Variants in CUL4A observed in about 807,000 individuals in gnomAD.
CUL4A encodes cullin-4A.
A neutral mutation model predicts 95.5 loss-of-function variants in CUL4A; 16 were observed. That is an observed-to-expected ratio of 0.17 (90% CI 0.11 to 0.25). The LOEUF is 0.25. Ranked by LOEUF, CUL4A falls within the 10% of genes least tolerant of loss-of-function variation. The pLI is 1.00. For synonymous variants in CUL4A, 380 were observed against 353.1 expected, an observed-to-expected ratio of 1.08 and a Z score of -0.85; for missense variants, 610 against 937.0, an observed-to-expected ratio of 0.65 and a Z score of 4.56.
At chr13:113,241,804 C>T (rs1184454429) in intron 10 of CUL4A, among the ~76,000 whole-genome samples, 2 of 151,906 alleles carry the variant, frequency 1.3e-5, no homozygotes, top group Admixed American at 1.3e-4. Flanking sequence ...TGAGCCACTG[C>T]GCCCAGCCTT....
Position 113,263,468 on chromosome 13 carries a change from T to A in CUL4A, c.2185-19T>A. The A allele has an allele frequency of 6.5e-7, 1 of 1,538,216 alleles. No homozygotes were observed. Among genetic ancestry groups the A allele is most frequent in the Non-Finnish European group, 8.9e-7 (1 of 1,121,504 alleles). ...TTTAATGCCATTGTAATTAGGGGGG[T>A]TTTATTCTTCTTTTTTAGCCTGGAG... On this transcript the variant is annotated intron_variant, in intron 19 of 19. Transcript: ENST00000375440.
chr13:113,250,677 T>C (rs531948787), intron 15 of CUL4A, among the ~76,000 whole-genome samples: 3 of 152,188 alleles, frequency 2.0e-5, no homozygotes, highest in South Asian at 4.2e-4. Context: ...ACTAAGAGGT[T>C]TATCACAAAC....
At position 113,216,047 on chromosome 13, in the gene CUL4A, G is replaced by A. The variant is rs542761770; in HGVS notation, c.265-2898G>A. ...GGTCGTGTGTGACTATGGAGGTCTC[G>A]TCCACGTGGCTGTGGAGGTCTTTGT... On this transcript the variant is annotated intron_variant, in intron 2 of 19. Transcript: ENST00000375440. Among the ~76,000 whole-genome samples the A allele has an allele frequency of 1.2e-4, 17 of 145,412 alleles. No homozygotes were observed. The East Asian group carries it at 2.2e-3, about 18-fold the overall frequency.
rs766541599 is a variant in CUL4A, at chr13:113,218,986, C to A, written c.306C>A (p.Leu102=). ...NLCSHKVSPM[L]YKQLRQACED... ...GTTCTCACAAAGTCTCCCCAATGCT[C>A]TACAAGCAACTGCGTCAGGCCTGTG... Residue 102 remains leucine (L), a synonymous_variant, in exon 3 of 20, where the codon CTC becomes CTA. Transcript: ENST00000375440. The A allele has an allele frequency of 4.3e-5, 70 of 1,613,760 alleles. 2 individuals carry two copies. The South Asian group carries it at 7.5e-4, about 17-fold the overall frequency.
In CUL4A at chr13:113,255,143, CTT is replaced by C. The variant is rs1477170952; in HGVS notation, c.2031+22_2031+23del. 1 of 1,576,160 alleles carries C rather than the reference CTT, an allele frequency of 6.3e-7. No individual in the cohort carries two copies. The highest frequency in any genetic ancestry group is 8.7e-7 in the Non-Finnish European group (1 of 1,153,844). On this transcript the variant is annotated intron_variant, in intron 18 of 19. Transcript: ENST00000375440. ...AGGAAACTGTATGTATAAACTTTCT[CTT>C]TTTACTTATAGGGGGTTTAGCAGGG... is the stretch of plus-strand genomic sequence containing the variant.
intron 19 of CUL4A, among the ~76,000 whole-genome samples, chr13:113,261,617 C>T (rs1331626582): frequency 1.3e-5 from 2 of 152,148 alleles, no homozygotes; most frequent in Non-Finnish European, 2.9e-5. Flanking sequence ...CCTGTTGCCA[C>T]TGCAAACAAT....
At chr13:113,236,083 G>A (rs1257682826) in intron 8 of CUL4A, among the ~76,000 whole-genome samples, 2 of 152,160 alleles carry the variant, frequency 1.3e-5, no homozygotes, top group Non-Finnish European at 2.9e-5. Flanking sequence ...GAGAAAACAG[G>A]AGGAGAGATG....
At chr13:113,236,653 T>C (rs962579649) in intron 8 of CUL4A, among the ~76,000 whole-genome samples, 170 bp from the exon 9 acceptor site, 2 of 152,204 alleles carry the variant, frequency 1.3e-5, no homozygotes, top group African/African-American at 4.8e-5. Context: ...TCCTTCAGCG[T>C]CATTAGCAAC....
At chr13:113,235,168 G>A (rs541918654) in intron 8 of CUL4A, 23 bp downstream of exon 8, 28 of 1,526,140 alleles carry the variant, frequency 1.8e-5, no homozygotes, top group African/African-American at 4.1e-5. Flanking sequence ...TGCTCGCTGA[G>A]CGTTCGTATC....
chr13:113,252,285 C>T (rs1439235424), intron 15 of CUL4A, among the ~76,000 whole-genome samples: 6 of 152,140 alleles, frequency 3.9e-5, no homozygotes, highest in East Asian at 1.9e-4. Context: ...AGTCTAATTC[C>T]AGCGTTTTGG....
rs377483741 is a variant in CUL4A at position 113,233,884 on chromosome 13, G to C, written c.676-13G>C. 1 of 1,384,322 alleles carries C rather than the reference G, an allele frequency of 7.2e-7. No homozygotes were observed. The highest frequency in any genetic ancestry group is 1.4e-5 in the African/African-American group (1 of 70,484). The allele number at this position is 1,384,322 out of a possible 1,614,324, so 85.8% of individuals were successfully genotyped here. On this transcript the variant is annotated splice_polypyrimidine_tract_variant and intron_variant, in intron 6 of 19. Coordinates refer to ENST00000375440, the MANE Select transcript of CUL4A (RefSeq NM_001008895.4). ...TTTACTGAAATTGGTCAGTAACTCT[G>C]CTTGTTTCTTAGGTGTATAAAGATT...
intron 3 of CUL4A, among the ~76,000 whole-genome samples, chr13:113,222,989 G>C (rs2040956158): frequency 6.6e-6 from 1 of 152,170 alleles, no homozygotes; most frequent in Non-Finnish European, 1.5e-5. Flanking sequence ...TCATCTTGTG[G>C]GAATCGAGGG....
intron 2 of CUL4A, among the ~76,000 whole-genome samples, chr13:113,211,872 G>A (rs142332825): frequency 2.0e-5 from 3 of 152,250 alleles, no homozygotes; most frequent in African/African-American, 2.4e-5. Context: ...TGCCCCTTTT[G>A]CGTCTCTCCC....
At chr13:113,209,039 G>A (rs1373951981), upstream of CUL4A, 1 of 306,292 alleles carries the variant, frequency 3.3e-6, no homozygotes, top group Non-Finnish European at 4.7e-6. Context: ...GCGCGCCCGA[G>A]GAGGGGGAGG....
intron 5 of CUL4A, 26 bp from the exon 6 acceptor site, chr13:113,233,148 TGTA>T (rs765009982): frequency 3.2e-5 from 51 of 1,597,442 alleles, no homozygotes; most frequent in South Asian, 1.9e-4. Flanking sequence ...GAAACTAAAA[TGTA>T]GTCCTGTTTC....
At chr13:113,245,758 A>T (rs2041840910) in intron 14 of CUL4A, among the ~76,000 whole-genome samples, 198 bp from the exon 15 acceptor site, 1 of 152,234 alleles carries the variant, frequency 6.6e-6, no homozygotes, top group African/African-American at 2.4e-5. Context: ...TATTTCAGTG[A>T]GTCTGGTGGT....
At chr13:113,226,111 C>CCTACCCTCCCTGGCACT (rs2041095820) in intron 3 of CUL4A, among the ~76,000 whole-genome samples, 1 of 152,100 alleles carries the variant, frequency 6.6e-6, no homozygotes, top group Non-Finnish European at 1.5e-5. Context: ...TGCCTGGCAC[C>CCTACCCTCCCTGGCACT]CTACCCTCCC....
Position 113,210,076 on chromosome 13 carries a change from G to A in CUL4A, c.252G>A (p.Glu84=), listed in dbSNP as rs1681313540. 3 of 1,511,420 alleles carry A rather than the reference G, an allele frequency of 2.0e-6. No individual in the cohort carries two copies. Among genetic ancestry groups the A allele is most frequent in the Admixed American group, 2.2e-5 (1 of 46,128 alleles). The allele number at this position is 1,511,420 out of a possible 1,614,324, so 93.6% of individuals were successfully genotyped here. Residue 84 remains glutamate (E), a synonymous_variant, in exon 2 of 20, where the codon GAG becomes GAA. Coordinates refer to ENST00000375440, the MANE Select transcript of CUL4A (RefSeq NM_001008895.4). The stretch of plus-strand genomic sequence containing the variant: ...GCACCTCCATCAGGTACAACCTCGA[G>A]GAGCTCTACCAGGTGAGGCGGCGGC... ...QSSTSIRYNL[E]ELYQAVENLC... is the part of the protein sequence containing the mutation.
intron 6 of CUL4A, 136 bp downstream of exon 6, chr13:113,233,475 A>G: frequency 4.8e-6 from 4 of 826,380 alleles, no homozygotes; most frequent in Non-Finnish European, 7.4e-6. Flanking sequence ...TAAAATCCCT[A>G]GAAGGGGAAT....
Sources: allele counts gnomAD v4.1 joint callset (sites outside exome capture counted in the v4.1 genomes callset), GRCh38; gene constraint gnomAD v4.1.1; transcripts MANE v1.5; gene names NCBI Gene and HGNC (gene_info 2026-07-23, HGNC 2026-07-21).